Variants in SNX24 observed in about 807,000 individuals in gnomAD.
The protein encoded by SNX24 is sorting nexin-24.
Under a neutral mutation model 28.7 loss-of-function variants are expected in SNX24, and 22 were observed. That is an observed-to-expected ratio of 0.77 (90% CI 0.55 to 1.10). The LOEUF (loss-of-function observed/expected upper bound fraction) is 1.10. Among genes scored for constraint, SNX24 ranks in the 50% least tolerant of loss-of-function variants. The pLI is 0.00. For synonymous variants in SNX24, 69 were observed against 71.5 expected, an observed-to-expected ratio of 0.96 and a Z score of 0.18; for missense variants, 221 against 201.1, an observed-to-expected ratio of 1.10 and a Z score of -0.60.
At chr5:122,951,207 C>T (rs1677616720) in intron 3 of SNX24, among the ~76,000 whole-genome samples, 1 of 137,410 alleles carries the variant, frequency 7.3e-6, no homozygotes, top group Non-Finnish European at 1.5e-5. Flanking sequence ...ATGGAAGTTG[C>T]AGTGAGCTGA....
At chr5:122,852,309 T>C (rs1754960143) in intron 1 of SNX24, among the ~76,000 whole-genome samples, 1 of 151,972 alleles carries the variant, frequency 6.6e-6, no homozygotes, top group Non-Finnish European at 1.5e-5. Context: ...TGAGGGAGCC[T>C]GGCTACCTGA....
intron 1 of SNX24, among the ~76,000 whole-genome samples, chr5:122,892,475 A>C (rs963718797): frequency 6.6e-6 from 1 of 151,640 alleles, no homozygotes; most frequent in Non-Finnish European, 1.5e-5. Context: ...TTATTGAGAC[A>C]GAGTCTCGCT....
rs181562909 is a variant in SNX24 at position 122,855,546 on chromosome 5, C to G, written c.60+9853C>G. Among the ~76,000 whole-genome samples, 634 of 152,198 alleles carry G rather than the reference C, an allele frequency of 4.2e-3. 10 individuals carry two copies. Among genetic ancestry groups the G allele is most frequent in the Non-Finnish European group, 4.0e-3 (270 of 68,020 alleles). On this transcript the variant is annotated intron_variant, in intron 1 of 6. Coordinates refer to ENST00000261369, the MANE Select transcript of SNX24 (RefSeq NM_014035.4). ...TTGTAATCCTAGCACTTAGAGAGGC[C>G]AAGGCAGGAGGATTGCTTGAGTCCA...
chr5:122,918,029 G>A (rs1758257047), intron 1 of SNX24, among the ~76,000 whole-genome samples: 1 of 152,164 alleles, frequency 6.6e-6, no homozygotes, highest in Non-Finnish European at 1.5e-5. Context: ...GCAGTGAGCT[G>A]AGATCGTGCC....
At chr5:122,854,236 C>T (rs1755065021) in intron 1 of SNX24, among the ~76,000 whole-genome samples, 1 of 152,080 alleles carries the variant, frequency 6.6e-6, no homozygotes, top group South Asian at 2.1e-4. Flanking sequence ...AGGCCGGGTG[C>T]AGTAGCTCAC....
At chr5:122,953,351 C>T (rs1376132167) in intron 3 of SNX24, among the ~76,000 whole-genome samples, 5 of 152,256 alleles carry the variant, frequency 3.3e-5, no homozygotes, top group Middle Eastern at 3.4e-3. Context: ...ATGATCCTCC[C>T]GTCTTGGCCT....
intron 1 of SNX24, among the ~76,000 whole-genome samples, chr5:122,889,579 C>T (rs2150068701): frequency 6.7e-6 from 1 of 150,338 alleles, no homozygotes; most frequent in African/African-American, 2.4e-5. Flanking sequence ...ATAAGGGATA[C>T]TCAATCCGTG....
intron 1 of SNX24, among the ~76,000 whole-genome samples, chr5:122,890,137 A>T (rs1289145688): frequency 1.3e-5 from 2 of 152,052 alleles, no homozygotes; most frequent in African/African-American, 4.8e-5. Flanking sequence ...TAGGTGACGC[A>T]TTTGGGGCTG....
At chr5:122,868,537 C>T (rs980510033) in intron 1 of SNX24, among the ~76,000 whole-genome samples, 1 of 152,126 alleles carries the variant, frequency 6.6e-6, no homozygotes. Flanking sequence ...AAACAACATC[C>T]GTATCTGCCA....
intron 4 of SNX24, among the ~76,000 whole-genome samples, chr5:123,001,185 T>G (rs781495928): frequency 6.6e-6 from 1 of 152,230 alleles, no homozygotes; most frequent in Non-Finnish European, 1.5e-5. Flanking sequence ...AACCTGAGGA[T>G]TTTTAAGTAA....
chr5:122,932,625 T>C (rs1455497885), intron 1 of SNX24, among the ~76,000 whole-genome samples: 1 of 152,092 alleles, frequency 6.6e-6, no homozygotes, highest in Admixed American at 6.5e-5. Flanking sequence ...ATCCCAGCAC[T>C]TGGGGAGGCC....
At chr5:122,855,367 C>T (rs908026699) in intron 1 of SNX24, among the ~76,000 whole-genome samples, 12 of 152,178 alleles carry the variant, frequency 7.9e-5, no homozygotes, top group East Asian at 1.9e-4. Context: ...CACGCCCAGC[C>T]GACTGTGCCA....
intron 3 of SNX24, among the ~76,000 whole-genome samples, chr5:122,971,874 G>A (rs1172231017): frequency 1.7e-5 from 1 of 60,380 alleles, no homozygotes; most frequent in South Asian, 6.9e-4. Context: ...GTGGGTCATG[G>A]TTTTTTACCT....
downstream of SNX24, chr5:123,009,334 G>A (rs1216015375): frequency 1.1e-5 from 5 of 446,698 alleles, no homozygotes; most frequent in Non-Finnish European, 1.5e-5. Context: ...TTTCTAATAT[G>A]ATAAGATAAA....
At chr5:123,028,964 AC>A in intron 5 of SNX24, 1 of 1,096,036 alleles carries the variant, frequency 9.1e-7, no homozygotes, top group Non-Finnish European at 1.3e-6. Flanking sequence ...AGAAAATTAA[AC>A]AAAATGCCTA....
At chr5:122,973,434 C>T (rs1761037826) in intron 3 of SNX24, among the ~76,000 whole-genome samples, 1 of 152,196 alleles carries the variant, frequency 6.6e-6, no homozygotes, top group Admixed American at 6.5e-5. Flanking sequence ...GTGGTGCCTG[C>T]ATATCATGCA....
intron 2 of SNX24, among the ~76,000 whole-genome samples, chr5:122,937,481 C>A (rs1414477613): frequency 6.6e-6 from 1 of 152,140 alleles, no homozygotes; most frequent in Admixed American, 6.5e-5. Flanking sequence ...TCTTTATTTT[C>A]TACCTAAATT....
chr5:122,871,105 C>A (rs1229609529), intron 1 of SNX24, among the ~76,000 whole-genome samples: 1 of 152,152 alleles, frequency 6.6e-6, no homozygotes, highest in Non-Finnish European at 1.5e-5. Context: ...CTGAAGATGT[C>A]TCCAGGATGC....
At chr5:122,871,703 G>A (rs991099871) in intron 1 of SNX24, among the ~76,000 whole-genome samples, 2 of 152,178 alleles carry the variant, frequency 1.3e-5, no homozygotes, top group Admixed American at 6.5e-5. Context: ...GTGGGAGGCG[G>A]AGGTTGCAGT....
Sources: allele counts gnomAD v4.1 joint callset (sites outside exome capture counted in the v4.1 genomes callset), GRCh38; gene constraint gnomAD v4.1.1; transcripts MANE v1.5; gene names NCBI Gene and HGNC (gene_info 2026-07-23, HGNC 2026-07-21).